AUTS2: variants seen among roughly 807,000 people sequenced by gnomAD.
The protein encoded by AUTS2 is activator of transcription and developmental regulator AUTS2.
A neutral mutation model predicts 112.4 loss-of-function variants in AUTS2; 17 were observed. The observed-to-expected ratio is 0.15, with a 90% CI of 0.10 to 0.23. AUTS2 has a LOEUF of 0.23. AUTS2 is among the 10% of genes least tolerant of loss of function. AUTS2 has a pLI of 1.00. For missense variants in AUTS2, 1,510 were observed against 1,701.6 expected, an observed-to-expected ratio of 0.89 and a Z score of 1.98; for synonymous variants, 751 against 702.7, an observed-to-expected ratio of 1.07 and a Z score of -1.09.
chr7:70,252,801 T>G (rs1329568152), intron 4 of AUTS2, among the ~76,000 whole-genome samples: 2 of 152,176 alleles, frequency 1.3e-5, no homozygotes, highest in Admixed American at 1.3e-4. Flanking sequence ...TTGTTCTGCT[T>G]GTGGATATCC....
At chr7:69,806,144 C>T (rs1248796079) in intron 1 of AUTS2, among the ~76,000 whole-genome samples, 2 of 150,068 alleles carry the variant, frequency 1.3e-5, no homozygotes, top group East Asian at 3.9e-4. Context: ...GGTCTTCCTA[C>T]CTCCACCTCC....
chr7:70,604,259 G>A (rs1447337006), intron 5 of AUTS2, among the ~76,000 whole-genome samples: 1 of 152,156 alleles, frequency 6.6e-6, no homozygotes, highest in East Asian at 1.9e-4. Flanking sequence ...GTTCCATTTT[G>A]TGCTCTCCTC....
At chr7:70,723,789 G>A (rs919569069) in intron 6 of AUTS2, among the ~76,000 whole-genome samples, 17 of 151,422 alleles carry the variant, frequency 1.1e-4, no homozygotes, top group Middle Eastern at 3.4e-3. Context: ...TGATTTGTTA[G>A]GAGTCATTAC....
chr7:69,753,684 T>A (rs904987661), intron 1 of AUTS2, among the ~76,000 whole-genome samples: 4 of 152,166 alleles, frequency 2.6e-5, no homozygotes, highest in Non-Finnish European at 4.4e-5. Context: ...TTGACAACAG[T>A]GCTTATCCAA....
At chr7:69,615,276 A>G (rs928441991) in intron 1 of AUTS2, among the ~76,000 whole-genome samples, 3 of 151,856 alleles carry the variant, frequency 2.0e-5, no homozygotes, top group African/African-American at 7.3e-5. Flanking sequence ...GGTGCCATCT[A>G]TTTTCTGATT....
intron 1 of AUTS2, among the ~76,000 whole-genome samples, chr7:69,758,493 C>T (rs778146442): frequency 1.3e-5 from 2 of 152,194 alleles, no homozygotes; most frequent in East Asian, 3.8e-4. Flanking sequence ...ACAACTACAT[C>T]TCTTTCGTCA....
intron 5 of AUTS2, among the ~76,000 whole-genome samples, chr7:70,507,221 T>A (rs1024549103): frequency 5.3e-5 from 8 of 152,148 alleles, no homozygotes; most frequent in African/African-American, 1.7e-4. Context: ...GAATCAAGCC[T>A]TTATCATTTG....
At chr7:70,098,806 A>G (rs371677186) in intron 2 of AUTS2, among the ~76,000 whole-genome samples, 1 of 151,384 alleles carries the variant, frequency 6.6e-6, no homozygotes, top group South Asian at 2.1e-4. Flanking sequence ...GGGTTCAAGC[A>G]ATTCTCCTGC....
intron 1 of AUTS2, among the ~76,000 whole-genome samples, chr7:69,770,667 G>A (rs781602527): frequency 3.9e-5 from 6 of 152,034 alleles, no homozygotes; most frequent in East Asian, 1.9e-4. Flanking sequence ...TGTAAATTTC[G>A]GAGATAGTGT....
chr7:70,366,612 G>A (rs2129629006), intron 4 of AUTS2, among the ~76,000 whole-genome samples: 1 of 152,334 alleles, frequency 6.6e-6, no homozygotes. Flanking sequence ...GTGAGGTGAT[G>A]CTGATAAACT....
At chr7:69,820,817 T>C (rs1414426691) in intron 1 of AUTS2, among the ~76,000 whole-genome samples, 2 of 152,092 alleles carry the variant, frequency 1.3e-5, no homozygotes, top group Admixed American at 6.5e-5. Context: ...TTAAGTGTAG[T>C]GAAAACACAC....
chr7:70,056,002 T>C (rs1208052464), intron 2 of AUTS2, among the ~76,000 whole-genome samples: 1 of 151,974 alleles, frequency 6.6e-6, no homozygotes, highest in East Asian at 1.9e-4. Context: ...TGTTATTTTT[T>C]TCAGAGACAG....
At chr7:70,719,124 A>G (rs1456836787) in intron 6 of AUTS2, among the ~76,000 whole-genome samples, 1 of 152,182 alleles carries the variant, frequency 6.6e-6, no homozygotes, top group Non-Finnish European at 1.5e-5. Flanking sequence ...AGATGGTATT[A>G]ACACTGTTTT....
chr7:70,500,290 T>C lies in AUTS2; in HGVS notation c.690+64509T>C, dbSNP rs1276493175. On this transcript the variant is annotated intron_variant, in intron 5 of 18. Transcript: ENST00000342771. ...CTGTTCTTGGAAAAGCAGCCTACTT[T>C]CTCTGTCCTGATCATGCAACAAGTT... is the stretch of plus-strand genomic sequence containing the variant. 3.3e-5 allele frequency among the ~76,000 whole-genome samples: 5 copies of C among 152,144 alleles called. No individual in the cohort carries two copies. The East Asian group carries it at 7.7e-4, about 23-fold the overall frequency.
chr7:70,145,621 G>A (rs1272209078), intron 4 of AUTS2, among the ~76,000 whole-genome samples: 2 of 152,066 alleles, frequency 1.3e-5, no homozygotes, highest in Non-Finnish European at 2.9e-5. Flanking sequence ...GTAGGTCTAT[G>A]TTATACACAG....
At chr7:69,914,117 C>A (rs1056530013) in intron 2 of AUTS2, among the ~76,000 whole-genome samples, 2 of 152,078 alleles carry the variant, frequency 1.3e-5, no homozygotes, top group African/African-American at 4.8e-5. Flanking sequence ...CTTTCTATGT[C>A]CTTCCTTATG....
At chr7:70,771,422 G>A in intron 10 of AUTS2, 127 bp from the exon 11 acceptor site, 1 of 667,840 alleles carries the variant, frequency 1.5e-6, no homozygotes. Flanking sequence ...ATGGCTTCTT[G>A]ACTAATGGCA....
At chr7:70,462,783 C>A (rs1187829692) in intron 5 of AUTS2, among the ~76,000 whole-genome samples, 1 of 152,026 alleles carries the variant, frequency 6.6e-6, no homozygotes, top group Non-Finnish European at 1.5e-5. Context: ...ATGGTGAAAC[C>A]CCCTCTCTGC....
intron 2 of AUTS2, among the ~76,000 whole-genome samples, chr7:70,091,307 A>G (rs771993423): frequency 2.0e-5 from 3 of 151,842 alleles, no homozygotes; most frequent in Non-Finnish European, 4.4e-5. Flanking sequence ...ACTTTTCTTT[A>G]TGTTTCTTGT....
Sources: gnomAD v4.1 joint callset for allele counts (sites outside exome capture counted in the v4.1 genomes callset) on GRCh38, gnomAD v4.1.1 for gene constraint, MANE v1.5 for transcripts, NCBI Gene and HGNC (gene_info 2026-07-23, HGNC 2026-07-21) for gene names.